Variants in DAPK2 observed in about 807,000 individuals in gnomAD.
DAPK2 encodes death-associated protein kinase 2.
Under a neutral mutation model 44.1 loss-of-function variants are expected in DAPK2, and 35 were observed. That is an observed-to-expected ratio of 0.79 (90% CI 0.61 to 1.05). DAPK2 has a LOEUF of 1.05. Ranked by LOEUF, DAPK2 falls within the 50% of genes least tolerant of loss-of-function variation. DAPK2 has a pLI of 0.00. For synonymous variants in DAPK2, 174 were observed against 182.6 expected, an observed-to-expected ratio of 0.95 and a Z score of 0.38; for missense variants, 453 against 483.2, an observed-to-expected ratio of 0.94 and a Z score of 0.59.
chr15:64,019,489 T>C (rs1199939578), intron 1 of DAPK2, among the ~76,000 whole-genome samples: 1 of 152,260 alleles, frequency 6.6e-6, no homozygotes, highest in African/African-American at 2.4e-5. Context: ...TGAAAGTTCC[T>C]TCAGACTCTT....
intron 8 of DAPK2, chr15:63,922,236 TGAAAA>T: frequency 2.0e-6 from 2 of 977,352 alleles, no homozygotes; most frequent in Non-Finnish European, 2.4e-6. Flanking sequence ...GCTTGGTAAG[TGAAAA>T]ATCAATGCAA....
chr15:64,033,450 A>T (rs2080087980), intron 1 of DAPK2, among the ~76,000 whole-genome samples: 1 of 152,250 alleles, frequency 6.6e-6, no homozygotes, highest in Non-Finnish European at 1.5e-5. Context: ...TTAAAAAACC[A>T]TTGACCCAAA....
At chr15:64,018,504 C>T (rs776061215) in intron 1 of DAPK2, among the ~76,000 whole-genome samples, 35 of 152,200 alleles carry the variant, frequency 2.3e-4, no homozygotes, top group Non-Finnish European at 3.4e-4. Flanking sequence ...CTCCCTGCCC[C>T]GCAACAAATG....
chr15:64,012,432 C>T (rs2079412623), intron 1 of DAPK2, among the ~76,000 whole-genome samples: 3 of 152,186 alleles, frequency 2.0e-5, no homozygotes, highest in South Asian at 4.1e-4. Flanking sequence ...TGCCTAGAAC[C>T]ATACTTGGCA....
At chr15:63,982,322 C>G (rs2078540737) in intron 2 of DAPK2, among the ~76,000 whole-genome samples, 1 of 151,600 alleles carries the variant, frequency 6.6e-6, no homozygotes, top group African/African-American at 2.4e-5. Flanking sequence ...TCCCGAGTAG[C>G]TGGGATTACA....
chr15:63,926,730 C>T (rs1406241251), intron 6 of DAPK2, among the ~76,000 whole-genome samples: 2 of 152,276 alleles, frequency 1.3e-5, no homozygotes, highest in South Asian at 4.1e-4. Flanking sequence ...AGGTATGATC[C>T]AGCAGTGTCT....
intron 4 of DAPK2, among the ~76,000 whole-genome samples, chr15:63,931,865 G>A (rs1473764828): frequency 6.6e-6 from 1 of 152,070 alleles, no homozygotes; most frequent in Non-Finnish European, 1.5e-5. Flanking sequence ...GCAGTGCCCA[G>A]AGTGTCAAGA....
chr15:63,971,617 A>T, intron 2 of DAPK2, 56 bp from the exon 4 acceptor site: 2 of 1,591,466 alleles, frequency 1.3e-6, no homozygotes, highest in South Asian at 2.2e-5. Context: ...TCTGCATGTC[A>T]TGAGGCTGGG....
At chr15:64,001,967 A>G (rs2079096412) in intron 1 of DAPK2, among the ~76,000 whole-genome samples, 1 of 152,206 alleles carries the variant, frequency 6.6e-6, no homozygotes, top group Admixed American at 6.5e-5. Flanking sequence ...TTATGAACAA[A>G]CACAAATTAA....
chr15:63,981,870 C>T (rs1215509359), intron 2 of DAPK2, among the ~76,000 whole-genome samples: 1 of 152,160 alleles, frequency 6.6e-6, no homozygotes, highest in Admixed American at 6.5e-5. Flanking sequence ...GGGAAGAGCA[C>T]AGGCAATTCT....
rs147211982 is a variant in DAPK2, at chr15:63,962,679, G to A, written c.453+8744C>T. 7.1e-3 allele frequency among the ~76,000 whole-genome samples: 1,078 copies of A among 152,278 alleles called. 15 individuals are homozygous for A. Among genetic ancestry groups the A allele is most frequent in the African/African-American group, 0.025 (1,023 of 41,556 alleles). ...TGCAGAACAGCAAATATTGCAGAAC[G>A]GTAGATGTTGCTGCCTGATCCCTCT... On this transcript the variant is annotated intron_variant, in intron 3 of 10. Transcript: ENST00000261891.
chr15:64,003,648 C>G (rs1352103463), intron 1 of DAPK2, among the ~76,000 whole-genome samples: 1 of 152,162 alleles, frequency 6.6e-6, no homozygotes, highest in Non-Finnish European at 1.5e-5. Context: ...CTCTGTCACC[C>G]AGGCTGGAGT....
At chr15:63,960,513 C>T (rs1315236669) in intron 3 of DAPK2, among the ~76,000 whole-genome samples, 1 of 152,154 alleles carries the variant, frequency 6.6e-6, no homozygotes, top group Non-Finnish European at 1.5e-5. Flanking sequence ...CCTCTACACA[C>T]TGCTTTAAAT....
chr15:64,001,894 C>A (rs2079094663), intron 1 of DAPK2, among the ~76,000 whole-genome samples: 1 of 152,234 alleles, frequency 6.6e-6, no homozygotes, highest in Non-Finnish European at 1.5e-5. Flanking sequence ...ATTCATGCCA[C>A]ATTTCCTTTG....
At chr15:63,925,433 C>T (rs1287624084) in intron 7 of DAPK2, among the ~76,000 whole-genome samples, 1 of 152,088 alleles carries the variant, frequency 6.6e-6, no homozygotes, top group East Asian at 1.9e-4. Context: ...CCTGCAATTC[C>T]CTGCCTATTT....
rs183366342 is a variant in DAPK2 at position 64,018,769 on chromosome 15, G to A, written c.92+21401C>T. On this transcript the variant is annotated intron_variant, in intron 1 of 10. Transcript: ENST00000261891. ...AAGGTCCTCAGTCCTGGATGGAGAC[G>A]CATGTACCTTATTTGTTAGCTCAGG... Among the ~76,000 whole-genome samples, 5 of 152,350 alleles carry A rather than the reference G, an allele frequency of 3.3e-5. No individual in the cohort carries two copies. The East Asian group carries it at 7.7e-4, about 23-fold the overall frequency.
intron 1 of DAPK2, among the ~76,000 whole-genome samples, chr15:64,031,928 C>T (rs1424555187): frequency 6.6e-6 from 1 of 152,194 alleles, no homozygotes; most frequent in Non-Finnish European, 1.5e-5. Flanking sequence ...GAATCCTGGA[C>T]ATTCATGAAT....
intron 8 of DAPK2, among the ~76,000 whole-genome samples, chr15:63,914,302 G>A (rs1330084600): frequency 6.6e-6 from 1 of 152,126 alleles, no homozygotes; most frequent in Non-Finnish European, 1.5e-5. Context: ...AAAACCTGGG[G>A]CTATTCACCC....
At chr15:63,963,371 G>A (rs779176080) in intron 3 of DAPK2, among the ~76,000 whole-genome samples, 12 of 152,188 alleles carry the variant, frequency 7.9e-5, no homozygotes, top group East Asian at 1.9e-4. Context: ...AGAGGAACCC[G>A]GTACCTCAGT....
Sources: allele counts gnomAD v4.1 joint callset (sites outside exome capture counted in the v4.1 genomes callset), GRCh38; gene constraint gnomAD v4.1.1; transcripts MANE v1.5; gene names NCBI Gene and HGNC (gene_info 2026-07-23, HGNC 2026-07-21).